Variants in TOX4 observed in about 807,000 individuals in gnomAD.
The protein encoded by TOX4 is TOX high mobility group box family member 4.
TOX4 carries 12 observed loss-of-function variants against 61.0 expected under a neutral mutation model. That is an observed-to-expected ratio of 0.20 (90% CI 0.13 to 0.32). The LOEUF (loss-of-function observed/expected upper bound fraction) is 0.32, where lower values mean the gene tolerates loss of function less well. Among genes scored for constraint, TOX4 ranks in the 10% least tolerant of loss-of-function variants. The pLI, the probability that TOX4 is intolerant of heterozygous loss-of-function variation, is 1.00. For synonymous variants in TOX4, 268 were observed against 274.8 expected, an observed-to-expected ratio of 0.98 and a Z score of 0.24; for missense variants, 499 against 753.3, an observed-to-expected ratio of 0.66 and a Z score of 3.95.
At chr14:21,477,732 G>C in intron 2 of TOX4, 168 bp downstream of exon 2, 2 of 658,400 alleles carry the variant, frequency 3.0e-6, no homozygotes, top group Non-Finnish European at 5.2e-6. Context: ...GACTATCTGG[G>C]GAAGTCTTGG....
intron 2 of TOX4, among the ~76,000 whole-genome samples, chr14:21,482,344 C>T (rs1416133370): frequency 1.3e-5 from 2 of 151,924 alleles, no homozygotes; most frequent in Non-Finnish European, 2.9e-5. Flanking sequence ...TTTAAATGAC[C>T]CATAGTACCA....
rs1470754214 is a variant in TOX4 at position 21,495,294 on chromosome 14, G to A, written c.1707G>A (p.Gln569=). 6.2e-7 allele frequency: 1 copy of A among 1,614,184 alleles called. No individual in the cohort carries two copies. Among genetic ancestry groups the A allele is most frequent in the Admixed American group, 1.7e-5 (1 of 60,020 alleles). Residue 569 remains glutamine, a synonymous_variant, in exon 8 of 9, where the codon CAG becomes CAA. Coordinates refer to ENST00000448790, the MANE Select transcript of TOX4 (RefSeq NM_014828.4). ...GGTCTCCTGTGGCACTCTCACCCCA[G>A]CCTCGATGTGTGAGGTCTGGTTGTG... ...VSGSPVALSP[Q]PRCVRSGCEN...
chr14:21,496,431 G>A (rs1891404029), intron 8 of TOX4, 115 bp from the exon 9 acceptor site: 1 of 862,694 alleles, frequency 1.2e-6, no homozygotes, highest in Non-Finnish European at 1.8e-6. Flanking sequence ...GGAGGCTAAG[G>A]CAGGAGAATG....
chr14:21,493,194 C>T lies in TOX4; in HGVS notation c.1578C>T (p.Ala526=), dbSNP rs754771561. 2.5e-6 allele frequency: 4 copies of T among 1,614,108 alleles called. No individual in the cohort carries two copies. The Admixed American group carries it at 5.0e-5, about 20-fold the overall frequency. Residue 526 remains alanine, a synonymous_variant, in exon 7 of 9, where the codon GCC becomes GCT. Coordinates refer to ENST00000448790, the MANE Select transcript of TOX4 (RefSeq NM_014828.4). ...PERPMNNSPE[A]HTVEAPSPET... is the part of the protein sequence containing the mutation. ...GGCCTATGAACAACAGCCCTGAGGC[C>T]CATACAGTGGAGGCACCTTCTCCTG...
chr14:21,497,934 C>T lies in TOX4; in HGVS notation c.*1328C>T, dbSNP rs1354242306. 3 of 226,778 alleles carry T rather than the reference C, an allele frequency of 1.3e-5. No individual in the cohort carries two copies. Among genetic ancestry groups the T allele is most frequent in the Non-Finnish European group, 2.6e-5 (3 of 114,478 alleles). 14.0% of individuals were successfully genotyped at this position (226,778 alleles called of 1,614,324 possible). On this transcript the variant is annotated 3_prime_UTR_variant, in exon 9 of 9. Coordinates refer to ENST00000448790, the MANE Select transcript of TOX4 (RefSeq NM_014828.4). The stretch of plus-strand genomic sequence containing the variant: ...CTGGGCTACAGTTACCCTCCTACCT[C>T]GGCTTCCCAAAGTGCTCGGATTACA...
intron 8 of TOX4, 107 bp downstream of exon 8, chr14:21,495,499 G>A: frequency 7.4e-7 from 1 of 1,348,116 alleles, no homozygotes; most frequent in Non-Finnish European, 1.0e-6. Context: ...CTTACCTTAG[G>A]TAGAGTAGGT....
At chr14:21,478,510 G>A (rs1891048179) in intron 2 of TOX4, among the ~76,000 whole-genome samples, 1 of 111,834 alleles carries the variant, frequency 8.9e-6, no homozygotes, top group South Asian at 2.9e-4. Context: ...TGAAGTGTTC[G>A]TTAAAAAAGT....
intron 3 of TOX4, chr14:21,487,950 C>G (rs992030698): frequency 2.9e-6 from 1 of 339,248 alleles, no homozygotes; most frequent in African/African-American, 2.1e-5. Flanking sequence ...AAAGTGTTTT[C>G]TGCTTTTATT....
chr14:21,488,896 A>T, intron 4 of TOX4, 46 bp downstream of exon 4: 1 of 1,602,440 alleles, frequency 6.2e-7, no homozygotes, highest in Non-Finnish European at 8.5e-7. Context: ...ATAGTCTGGG[A>T]TAAAATTTTT....
intron 2 of TOX4, among the ~76,000 whole-genome samples, chr14:21,481,570 C>T (rs1264015259): frequency 6.6e-6 from 1 of 152,206 alleles, no homozygotes; most frequent in Non-Finnish European, 1.5e-5. Flanking sequence ...ACATGCCCCC[C>T]TAACCTATGA....
chr14:21,498,571 C>A lies in TOX4; in HGVS notation c.*1965C>A. 1 of 593,616 alleles carries A rather than the reference C, an allele frequency of 1.7e-6. No homozygotes were observed. Among genetic ancestry groups the A allele is most frequent in the Middle Eastern group, 4.5e-4 (1 of 2,228 alleles). 36.8% of individuals were successfully genotyped at this position (593,616 alleles called of 1,614,324 possible). A position where few individuals can be genotyped will look rare whatever the true frequency, so the allele number is the denominator to read the frequency against. On this transcript the variant is annotated 3_prime_UTR_variant, in exon 9 of 9. Transcript: ENST00000448790. Reference sequence around the variant, plus strand: ...ATTCTGGTGTTAAAATAGACTGGATCTGTATTATCTGAGGGTTAGTAACTA... The same window carrying A: ...ATTCTGGTGTTAAAATAGACTGGATATGTATTATCTGAGGGTTAGTAACTA...
Position 21,493,334 on chromosome 14 carries a change from G to A in TOX4, c.1641+77G>A. ...TTTGGTTGACCCAATAACAGTGGGG[G>A]TTGCTACTAGCATTTAATGCCCAGC... On this transcript the variant is annotated intron_variant, in intron 7 of 8. Coordinates refer to ENST00000448790, the MANE Select transcript of TOX4 (RefSeq NM_014828.4). The A allele has an allele frequency of 3.4e-6, 5 of 1,482,918 alleles. No homozygotes were observed. The East Asian group carries it at 9.3e-5, about 27-fold the overall frequency. 91.9% of individuals were successfully genotyped at this position (1,482,918 alleles called of 1,614,324 possible).
chr14:21,490,036 T>TG (rs1395217245), intron 5 of TOX4, among the ~76,000 whole-genome samples: 1 of 151,636 alleles, frequency 6.6e-6, no homozygotes, highest in Non-Finnish European at 1.5e-5. Flanking sequence ...TAGCTGGGTG[T>TG]GGTGGCATGT....
At position 21,488,685 on chromosome 14, in the gene TOX4, T is replaced by C; in HGVS notation, c.414T>C (p.His138=). 6.2e-7 allele frequency: 1 copy of C among 1,614,186 alleles called. No homozygotes were observed. Among genetic ancestry groups the C allele is most frequent in the East Asian group, 2.2e-5 (1 of 44,882 alleles). ...MTDMTSGLMG[H]SQLTTIDQSE... Reference sequence around the variant, plus strand: ...ACATGACATCTGGCTTGATGGGGCATAGCCAGTTGACCACCATTGATCAGT... The same window carrying C: ...ACATGACATCTGGCTTGATGGGGCACAGCCAGTTGACCACCATTGATCAGT... The change falls in exon 4 of 9, where the codon CAT becomes CAC. Residue 138 remains histidine, a synonymous_variant. Coordinates refer to ENST00000448790, the MANE Select transcript of TOX4 (RefSeq NM_014828.4).
intron 5 of TOX4, 151 bp downstream of exon 5, chr14:21,489,554 C>T: frequency 1.4e-6 from 1 of 737,922 alleles, no homozygotes. Flanking sequence ...GAAGTTGCAG[C>T]CATACACTCA....
Position 21,495,578 on chromosome 14 carries a change from G to A in TOX4, c.1805+186G>A, listed in dbSNP as rs1360794226. ...TACATTTGCCACATAAGCCAAAGAT[G>A]ATGTAATCAGCAGTTCACATTTTTC... On this transcript the variant is annotated intron_variant, in intron 8 of 8. Transcript: ENST00000448790. 6 of 560,808 alleles carry A rather than the reference G, an allele frequency of 1.1e-5. No homozygotes were observed. The East Asian group carries it at 2.0e-4, about 19-fold the overall frequency. 34.7% of individuals were successfully genotyped at this position (560,808 alleles called of 1,614,324 possible).
Position 21,488,684 on chromosome 14 carries a change from A to G in TOX4, c.413A>G (p.His138Arg), listed in dbSNP as rs754687697. Residue 138 changes from histidine (H) to arginine (R), a missense_variant, in exon 4 of 9, where the codon CAT (histidine) becomes CGT (arginine). Physicochemically the swap from His to Arg is conservative, Grantham distance 29 (BLOSUM62 0). Coordinates refer to ENST00000448790, the MANE Select transcript of TOX4 (RefSeq NM_014828.4). ...GACATGACATCTGGCTTGATGGGGC[A>G]TAGCCAGTTGACCACCATTGATCAG... ...MTDMTSGLMG[H>R]SQLTTIDQSE... The G allele has an allele frequency of 3.1e-6, 5 of 1,614,194 alleles. No homozygotes were observed. The highest frequency in any genetic ancestry group is 4.2e-6 in the Non-Finnish European group (5 of 1,180,032).
rs186707708 is a variant in TOX4 at position 21,495,165 on chromosome 14, A to G, written c.1642-64A>G. ...CTTCATTGGTTTCTACAGATAATTT[A>G]GCTAACTAGCTAGCTAGGCAGGGAG... On this transcript the variant is annotated intron_variant, in intron 7 of 8. Transcript: ENST00000448790. 8.0e-4 allele frequency: 1,249 copies of G among 1,556,272 alleles called. 2 individuals are homozygous for G. Among genetic ancestry groups the G allele is most frequent in the Non-Finnish European group, 8.9e-4 (1,013 of 1,141,208 alleles).
chr14:21,493,074 A>G lies in TOX4; in HGVS notation c.1458A>G (p.Gln486=). The stretch of plus-strand genomic sequence containing the variant: ...AGAAAGTTCGAATCAATTTACAGCA[A>G]CAGCCTCCTCCTCTGCAGATCAAGA... ...PPQKVRINLQ[Q]QPPPLQIKSV... is the part of the protein sequence containing the mutation. The change falls in exon 7 of 9, where the codon CAA becomes CAG. Residue 486 remains glutamine (Q), a synonymous_variant. Transcript: ENST00000448790. The G allele has an allele frequency of 3.1e-6, 5 of 1,614,072 alleles. No homozygotes were observed. The highest frequency in any genetic ancestry group is 4.2e-6 in the Non-Finnish European group (5 of 1,180,012).
Sources: allele counts gnomAD v4.1 joint callset (sites outside exome capture counted in the v4.1 genomes callset), GRCh38; gene constraint gnomAD v4.1.1; transcripts MANE v1.5; gene names NCBI Gene and HGNC (gene_info 2026-07-23, HGNC 2026-07-21).